ART3: variants seen among roughly 807,000 people sequenced by gnomAD.
ART3 encodes the protein ADP-ribosyltransferase 3 (inactive).
A neutral mutation model predicts 48.5 loss-of-function variants in ART3; 49 were observed. That is an observed-to-expected ratio of 1.01 (90% confidence interval 0.80 to 1.28). The LOEUF is 1.28. ART3 is among the 50% of genes most tolerant of loss of function. ART3 has a pLI of 0.00. For synonymous variants in ART3, 145 were observed against 157.2 expected (o/e 0.92, Z 0.58); for missense variants, 438 against 454.3 (o/e 0.96, Z 0.33).
intron 4 of ART3, 47 bp from the exon 5 acceptor site, chr4:76,098,908 C>T (rs994313245): frequency 1.3e-6 from 2 of 1,490,954 alleles, no homozygotes; most frequent in African/African-American, 2.8e-5. Context: ...TCCTGACATT[C>T]ACATCTGAGC....
intron 1 of ART3, chr4:76,022,090 G>C: frequency 1.2e-6 from 1 of 858,308 alleles, no homozygotes. Flanking sequence ...TATAGGGGTT[G>C]CTTTTTTCAA....
In ART3 at chr4:76,110,695, T is replaced by G. The variant is rs190157552; in HGVS notation, c.1037-1691T>G. Among the ~76,000 whole-genome samples, 71 of 152,314 alleles carry G rather than the reference T, an allele frequency of 4.7e-4. No homozygotes were observed. The East Asian group carries it at 7.3e-3, about 16-fold the overall frequency. On this transcript the variant is annotated intron_variant, in intron 11 of 11. Transcript: ENST00000355810. Reference sequence around the variant, plus strand: ...TAGCGTAGCAGATCTTGATGATATATAGTCGACCCTTGAACAACACAGGTT... The same window carrying G: ...TAGCGTAGCAGATCTTGATGATATAGAGTCGACCCTTGAACAACACAGGTT...
chr4:76,099,296 C>G (rs1409648790), intron 5 of ART3: 1 of 354,314 alleles, frequency 2.8e-6, no homozygotes, highest in Non-Finnish European at 5.3e-6. Flanking sequence ...GGGTGAAACT[C>G]TGTCTCCAAA....
At chr4:76,086,417 A>G (rs1340854667) in intron 3 of ART3, among the ~76,000 whole-genome samples, 1 of 152,236 alleles carries the variant, frequency 6.6e-6, no homozygotes, top group Admixed American at 6.5e-5. Flanking sequence ...TGGAATATAT[A>G]TGAGATCAAA....
At chr4:76,071,286 C>A (rs537838104), upstream of ART3, among the ~76,000 whole-genome samples, 5 of 148,586 alleles carry the variant, frequency 3.4e-5, no homozygotes, top group Admixed American at 6.7e-5. Context: ...TGCAGTGAGC[C>A]GAGATAGGGA....
chr4:76,012,700 T>G (rs1035061236), intron 1 of ART3, among the ~76,000 whole-genome samples: 2 of 152,208 alleles, frequency 1.3e-5, no homozygotes, highest in African/African-American at 4.8e-5. Flanking sequence ...AAGGACAACT[T>G]TTGCAAAATG....
chr4:76,017,137 A>G (rs1222551889), intron 1 of ART3, among the ~76,000 whole-genome samples: 1 of 152,104 alleles, frequency 6.6e-6, no homozygotes, highest in Admixed American at 6.5e-5. Context: ...TTTCTCAAGC[A>G]GAAGGAATCT....
chr4:76,074,569 A>T (rs1720669179), upstream of ART3: 1 of 152,204 alleles, frequency 6.6e-6, no homozygotes. Flanking sequence ...CCTCTTGGAG[A>T]TTTAAAGTGT....
intron 3 of ART3, among the ~76,000 whole-genome samples, chr4:76,092,127 A>G (rs1219070646): frequency 6.6e-6 from 1 of 152,070 alleles, no homozygotes; most frequent in Admixed American, 6.5e-5. Flanking sequence ...TTTTAGAATC[A>G]CCTTGTCAAT....
chr4:76,056,069 A>G (rs558197367), intron 1 of ART3, among the ~76,000 whole-genome samples: 1 of 152,340 alleles, frequency 6.6e-6, no homozygotes, highest in Admixed American at 6.5e-5. Context: ...CAGAAAGGAC[A>G]GAGAAGGAGG....
chr4:76,099,162 CATG>C, intron 5 of ART3, 175 bp downstream of exon 5: 1 of 599,026 alleles, frequency 1.7e-6, no homozygotes, highest in Non-Finnish European at 3.0e-6. Flanking sequence ...CTTAGCCAGG[CATG>C]GTGGTGTGCA....
In ART3 at chr4:76,067,595, G is replaced by A. The variant is rs1169781272; in HGVS notation, c.-9-8286G>A. 5.3e-5 allele frequency among the ~76,000 whole-genome samples: 8 copies of A among 152,198 alleles called. No homozygotes were observed. In the East Asian group the frequency reaches 1.5e-3, roughly 29 times the overall value. On this transcript the variant is annotated intron_variant, in intron 1 of 9. Transcript: ENST00000341029. ...TTTCCCAGTGTCAGTATGTCATAGT[G>A]TGAGGAATCATGTGCAAAAAGGAAT...
At chr4:76,030,552 A>G (rs1411885901) in intron 1 of ART3, among the ~76,000 whole-genome samples, 1 of 152,234 alleles carries the variant, frequency 6.6e-6, no homozygotes, top group Non-Finnish European at 1.5e-5. Context: ...AAGTACTTTC[A>G]CAGTGCTGTG....
At chr4:76,046,696 C>T (rs925096891) in intron 1 of ART3, among the ~76,000 whole-genome samples, 17 of 152,038 alleles carry the variant, frequency 1.1e-4, no homozygotes, top group Admixed American at 5.2e-4. Context: ...TCCCCATATT[C>T]ATGTAGATAA....
In ART3 at chr4:76,082,387, T is replaced by G; in HGVS notation, c.633T>G (p.Ile211Met). 1.9e-6 allele frequency: 3 copies of G among 1,614,206 alleles called. No homozygotes were observed. Among genetic ancestry groups the G allele is most frequent in the South Asian group, 1.1e-5 (1 of 91,084 alleles). ...LSIYTCLGVD[I>M]ENFLDKESER... ...TCTACACATGCCTTGGAGTTGACAT[T>G]GAAAATTTTCTTGATAAAGAAAGTG... Residue 211 changes from isoleucine (I) to methionine (M), a missense_variant, in exon 3 of 12, where the codon ATT (isoleucine) becomes ATG (methionine). By Grantham distance (10) the Ile-to-Met change is conservative (BLOSUM62 1). This residue lies in a region of ART3 where 227 missense variants were observed against 229.6 expected (regional missense o/e 0.99). Coordinates refer to ENST00000355810, the MANE Select transcript of ART3 (RefSeq NM_001130016.3).
chr4:76,020,633 G>A (rs1732711888), intron 1 of ART3, among the ~76,000 whole-genome samples: 1 of 152,166 alleles, frequency 6.6e-6, no homozygotes, highest in African/African-American at 2.4e-5. Context: ...AGGAGAATTA[G>A]TTTATTTTGG....
intron 1 of ART3, among the ~76,000 whole-genome samples, chr4:76,024,485 G>T (rs1379005601): frequency 6.6e-6 from 1 of 152,128 alleles, no homozygotes; most frequent in African/African-American, 2.4e-5. Context: ...GATGAATCGT[G>T]GCAAAACTTA....
chr4:76,103,903 A>G (rs375667853), intron 8 of ART3, 34 bp from the exon 9 acceptor site: 1 of 1,595,068 alleles, frequency 6.3e-7, no homozygotes, highest in African/African-American at 1.3e-5. Context: ...AAGATAACTG[A>G]TTAATACAAA....
intron 3 of ART3, among the ~76,000 whole-genome samples, chr4:76,093,766 T>G (rs555254394): frequency 6.6e-6 from 1 of 152,376 alleles, no homozygotes; most frequent in South Asian, 2.1e-4. Context: ...TCAGTAATTC[T>G]ATCTGGTGTA....
Sources: allele counts gnomAD v4.1 joint callset (sites outside exome capture counted in the v4.1 genomes callset), GRCh38; gene constraint gnomAD v4.1.1; regional missense constraint gnomAD v4.1.1; transcripts MANE v1.5; gene names NCBI Gene and HGNC (gene_info 2026-07-23, HGNC 2026-07-21).